ABCA10: variants seen among roughly 807,000 people sequenced by gnomAD.
The protein encoded by ABCA10 is ATP-binding cassette sub-family A member 10.
ABCA10 carries 169 observed loss-of-function variants against 187.5 expected under a neutral mutation model. The ratio of observed to expected loss-of-function variants is 0.90; its 90% confidence interval spans 0.80 to 1.02. ABCA10 has a LOEUF of 1.02. Among genes scored for constraint, ABCA10 ranks in the 50% least tolerant of loss-of-function variants. The pLI, the probability that ABCA10 is intolerant of heterozygous loss-of-function variation, is 0.00. For synonymous variants in ABCA10, 574 were observed against 601.8 expected (o/e 0.95, Z 0.68); for missense variants, 1,727 against 1,812.4 (o/e 0.95, Z 0.86).
chr17:69,192,994 G>C lies in ABCA10; in HGVS notation c.1780+116C>G. ...CCAATGGCATGTGGAGGCTTGAAATGGGCTTCTGCAAATAAACTGCAAACA... is the reference window on the plus strand; with the variant it reads ...CCAATGGCATGTGGAGGCTTGAAATCGGCTTCTGCAAATAAACTGCAAACA... On this transcript the variant is annotated intron_variant, in intron 15 of 38. Transcript: ENST00000690296. The C allele has an allele frequency of 2.8e-6, 4 of 1,403,904 alleles. No homozygotes were observed. The South Asian group carries it at 5.9e-5, about 21-fold the overall frequency. 87.0% of individuals were successfully genotyped at this position (1,403,904 alleles called of 1,614,324 possible).
chr17:69,227,114 G>GATATATATAT (rs71892045), intron 2 of ABCA10, 31 bp downstream of exon 2: 2,762 of 137,456 alleles, frequency 0.02, 58 homozygotes, highest in Middle Eastern at 0.05. Flanking sequence ...ATTAATTATG[G>GATATATATAT]ATATATATAT....
At chr17:69,215,008 T>TA (rs1483930221) in intron 8 of ABCA10, among the ~76,000 whole-genome samples, 157 bp from the exon 9 acceptor site, 1 of 152,200 alleles carries the variant, frequency 6.6e-6, no homozygotes, top group Non-Finnish European at 1.5e-5. Context: ...TGTTGCTTTT[T>TA]AAAAAATGTA....
chr17:69,160,817 C>A (rs2074212268), intron 27 of ABCA10, among the ~76,000 whole-genome samples: 1 of 152,010 alleles, frequency 6.6e-6, no homozygotes, highest in Non-Finnish European at 1.5e-5. Context: ...GGTGAGACTG[C>A]AAAATGGTGC....
At chr17:69,191,128 C>T (rs537026275) in intron 17 of ABCA10, 48 bp downstream of exon 17, 30 of 1,422,542 alleles carry the variant, frequency 2.1e-5, no homozygotes, top group South Asian at 1.0e-4. Context: ...GCAGTCAGCA[C>T]AATCGTGAAC....
At chr17:69,166,443 G>T (rs1201876730) in intron 25 of ABCA10, among the ~76,000 whole-genome samples, 3 of 151,988 alleles carry the variant, frequency 2.0e-5, no homozygotes, top group Non-Finnish European at 4.4e-5. Flanking sequence ...AAGGACCATT[G>T]TAAAATAAGA....
rs1365833780 is a variant in ABCA10 at position 69,154,259 on chromosome 17, C to G, written c.3762G>C (p.Gly1254=). The G allele has an allele frequency of 3.7e-6, 6 of 1,611,960 alleles. No homozygotes were observed. The highest frequency in any genetic ancestry group is 3.3e-5 in the South Asian group (3 of 90,330). ...CCACTCCTGCAGTTGGCTTTGTGCA[C>G]CCAGTTATCATTTTAATGGAAGTAC... is the stretch of plus-strand genomic sequence containing the variant. ...GKSTSIKMIT[G]CTKPTAGVVV... The change falls in exon 31 of 39, where the codon GGG becomes GGC. Residue 1254 remains glycine (G), a synonymous_variant. Transcript: ENST00000690296.
At chr17:69,237,103 T>C (rs1044302643) in intron 1 of ABCA10, among the ~76,000 whole-genome samples, 2 of 152,226 alleles carry the variant, frequency 1.3e-5, no homozygotes, top group Non-Finnish European at 1.5e-5. Context: ...GCTTCCAATA[T>C]ACTAGCCACT....
intron 2 of ABCA10, among the ~76,000 whole-genome samples, chr17:69,226,272 G>GGT (rs1301634202): frequency 6.6e-6 from 1 of 151,970 alleles, no homozygotes; most frequent in Non-Finnish European, 1.5e-5. Context: ...TGGATGTATA[G>GGT]GTGTTCATTG....
rs1283053720 is a variant in ABCA10, at chr17:69,148,491, ATATTTT to A, written c.*330_*335del. The stretch of plus-strand genomic sequence containing the variant: ...ATTTGAAGTTCAGGCTAAAAACCTC[ATATTTT>A]TATTTGTAAAATGTTCTCAGTGTTA... On this transcript the variant is annotated 3_prime_UTR_variant, in exon 39 of 39. Coordinates refer to ENST00000690296, the MANE Select transcript of ABCA10 (RefSeq NM_001377321.1). 5.7e-6 allele frequency: 1 copy of A among 175,070 alleles called. No individual in the cohort carries two copies. The highest frequency in any genetic ancestry group is 2.4e-5 in the African/African-American group (1 of 42,010). 10.8% of individuals were successfully genotyped at this position (175,070 alleles called of 1,614,324 possible). A position where few individuals can be genotyped will look rare whatever the true frequency, so the allele number is the denominator to read the frequency against.
In ABCA10 at chr17:69,216,300, G is replaced by C. The variant is rs1365630259; in HGVS notation, c.589C>G (p.Leu197Val). 10 of 1,613,194 alleles carry C rather than the reference G, an allele frequency of 6.2e-6. No homozygotes were observed. Among genetic ancestry groups the C allele is most frequent in the African/African-American group, 2.7e-5 (2 of 74,876 alleles). ...ACAATTGGGATTGATGTTATGACCAGAGCCATAAAAATGGACATAATGAAG... is the reference window on the plus strand; with the variant it reads ...ACAATTGGGATTGATGTTATGACCACAGCCATAAAAATGGACATAATGAAG... ...FIFIMSIFMA[L>V]VITSIPIVFH... The change falls in exon 7 of 39, where the codon CTG becomes GTG. Residue 197 changes from leucine to valine, a missense_variant. Leu to Val is a conservative substitution (Grantham distance 32). Coordinates refer to ENST00000690296, the MANE Select transcript of ABCA10 (RefSeq NM_001377321.1).
intron 1 of ABCA10, among the ~76,000 whole-genome samples, chr17:69,241,918 T>C (rs2074905142): frequency 6.6e-6 from 1 of 152,230 alleles, no homozygotes; most frequent in African/African-American, 2.4e-5. Context: ...TCTTTGAAAC[T>C]TAAAGACTTT....
In ABCA10 at chr17:69,216,262, G is replaced by C. The variant is rs1466391502; in HGVS notation, c.627C>G (p.Gly209=). The C allele has an allele frequency of 6.2e-7, 1 of 1,613,598 alleles. No homozygotes were observed. The highest frequency in any genetic ancestry group is 1.1e-5 in the South Asian group (1 of 91,016). Reference sequence around the variant, plus strand: ...TATAGAGTGTGAATATCACCATGAAGCCAGTATGAAATACAATTGGGATTG... The same window carrying C: ...TATAGAGTGTGAATATCACCATGAACCCAGTATGAAATACAATTGGGATTG... ...ITSIPIVFHT[G]FMVIFTLYSL... Residue 209 remains glycine, a synonymous_variant, in exon 7 of 39, where the codon GGC becomes GGG. Transcript: ENST00000690296.
intron 22 of ABCA10, among the ~76,000 whole-genome samples, chr17:69,179,215 A>G (rs574513910): frequency 6.6e-6 from 1 of 152,022 alleles, no homozygotes; most frequent in Non-Finnish European, 1.5e-5. Context: ...CAAACAAAAA[A>G]AAAACCTCTA....
intron 37 of ABCA10, 33 bp from the exon 38 acceptor site, chr17:69,149,121 T>C (rs756414569): frequency 4.3e-6 from 7 of 1,611,666 alleles, no homozygotes; most frequent in Non-Finnish European, 5.9e-6. Flanking sequence ...TAGTGGCTTA[T>C]ATATTTTTCA....
At chr17:69,155,253 A>G (rs1236062405) in intron 29 of ABCA10, 117 bp from the exon 30 acceptor site, 1 of 711,220 alleles carries the variant, frequency 1.4e-6, no homozygotes, top group Non-Finnish European at 2.3e-6. Context: ...CAGGCTGAAG[A>G]GCTTTAGCCT....
At chr17:69,177,450 AG>A (rs374032887) in intron 22 of ABCA10, among the ~76,000 whole-genome samples, 24 of 150,942 alleles carry the variant, frequency 1.6e-4, no homozygotes, top group Admixed American at 3.9e-4. Flanking sequence ...TAGGAGGATC[AG>A]GGGGTCCAGA....
chr17:69,173,374 A>G (rs1485519552), intron 25 of ABCA10, among the ~76,000 whole-genome samples: 2 of 152,118 alleles, frequency 1.3e-5, no homozygotes, highest in Non-Finnish European at 2.9e-5. Flanking sequence ...ACTAAATCCA[A>G]CTTTTAAATA....
intron 11 of ABCA10, chr17:69,196,197 GC>G: frequency 6.4e-6 from 1 of 157,406 alleles, no homozygotes; most frequent in Non-Finnish European, 1.4e-5. Flanking sequence ...GGCAGGGGCT[GC>G]CCCCCACCTC....
intron 5 of ABCA10, 135 bp downstream of exon 5, chr17:69,221,657 G>T: frequency 1.3e-6 from 1 of 758,484 alleles, no homozygotes; most frequent in Non-Finnish European, 2.1e-6. Flanking sequence ...CCATGTGACA[G>T]CTTTTGTTTT....
Sources: allele counts gnomAD v4.1 joint callset (sites outside exome capture counted in the v4.1 genomes callset), GRCh38; gene constraint gnomAD v4.1.1; transcripts MANE v1.5; gene names NCBI Gene and HGNC (gene_info 2026-07-23, HGNC 2026-07-21).